Variants in SGCD observed in about 807,000 individuals in gnomAD.
SGCD encodes delta-sarcoglycan.
SGCD carries 18 observed loss-of-function variants against 36.6 expected under a neutral mutation model. The observed-to-expected ratio is 0.49, with a 90% confidence interval of 0.34 to 0.73. The LOEUF (loss-of-function observed/expected upper bound fraction) is 0.73, where lower values mean the gene tolerates loss of function less well. Ranked by LOEUF, SGCD falls within the 30% of genes least tolerant of loss-of-function variation. The pLI is 0.01. For missense variants in SGCD, 387 were observed against 346.7 expected (o/e 1.12, Z -0.92); for synonymous variants, 133 against 130.6 (o/e 1.02, Z -0.12).
At chr5:156,103,538 T>A (rs1761573349) in intron 1 of SGCD, among the ~76,000 whole-genome samples, 1 of 152,120 alleles carries the variant, frequency 6.6e-6, no homozygotes, top group Non-Finnish European at 1.5e-5. Context: ...TTTTTCTTTT[T>A]GAAAATGGCC....
At chr5:155,999,032 C>A (rs934579737) in intron 1 of SGCD, among the ~76,000 whole-genome samples, 1 of 152,254 alleles carries the variant, frequency 6.6e-6, no homozygotes, top group African/African-American at 2.4e-5. Flanking sequence ...TTTATGATAC[C>A]TGCACCTGCA....
intron 3 of SGCD, among the ~76,000 whole-genome samples, chr5:156,304,504 G>A (rs540129587): frequency 9.2e-5 from 14 of 152,278 alleles, no homozygotes; most frequent in South Asian, 6.2e-4. Context: ...CCCCAGCCAC[G>A]TGGAACTGTA....
intron 1 of SGCD, among the ~76,000 whole-genome samples, chr5:156,024,735 A>C (rs1267226821): frequency 6.6e-6 from 1 of 152,146 alleles, no homozygotes; most frequent in Non-Finnish European, 1.5e-5. Flanking sequence ...AGATGGGCAG[A>C]TTGCCTGAGT....
At chr5:156,523,717 G>A (rs771648843) in intron 4 of SGCD, among the ~76,000 whole-genome samples, 1 of 151,846 alleles carries the variant, frequency 6.6e-6, no homozygotes, top group African/African-American at 2.4e-5. Flanking sequence ...GAGTTCAGGG[G>A]CAGTCTCACA....
rs148298193 is a variant in SGCD, at chr5:156,148,798, G to C, written c.-44+24779G>C. ...TGCAGGAGTGCACCTACAAGCAGGA[G>C]TGTTTCATTCAATCTATATCTAATC... On this transcript the variant is annotated intron_variant, in intron 3 of 9. Coordinates refer to the SGCD transcript ENST00000517913. Among the ~76,000 whole-genome samples, 13 of 152,314 alleles carry C rather than the reference G, an allele frequency of 8.5e-5. No individual in the cohort carries two copies. In the East Asian group the frequency reaches 2.5e-3, roughly 29 times the overall value.
At chr5:156,599,850 T>A (rs775204503) in intron 6 of SGCD, among the ~76,000 whole-genome samples, 4 of 152,216 alleles carry the variant, frequency 2.6e-5, no homozygotes, top group Non-Finnish European at 5.9e-5. Context: ...TGTAAGCTAG[T>A]GCTTTGGGTA....
At chr5:156,590,761 C>G (rs894317440) in intron 5 of SGCD, among the ~76,000 whole-genome samples, 1 of 150,706 alleles carries the variant, frequency 6.6e-6, no homozygotes, top group African/African-American at 2.4e-5. Flanking sequence ...CCCACTCTTC[C>G]TCTCCCTTCT....
intron 6 of SGCD, among the ~76,000 whole-genome samples, chr5:156,618,767 C>T (rs1421796693): frequency 6.6e-6 from 1 of 152,048 alleles, no homozygotes; most frequent in Non-Finnish European, 1.5e-5. Context: ...TTGTTGGGCC[C>T]CACACAGTTT....
At chr5:156,375,339 C>G (rs1293338188) in intron 3 of SGCD, among the ~76,000 whole-genome samples, 1 of 150,746 alleles carries the variant, frequency 6.6e-6, no homozygotes, top group Non-Finnish European at 1.5e-5. Context: ...ATTCTATTAT[C>G]TGATCCACAG....
chr5:156,710,959 T>C (rs1754963595), intron 7 of SGCD, among the ~76,000 whole-genome samples: 1 of 152,244 alleles, frequency 6.6e-6, no homozygotes. Context: ...AATACTTTTC[T>C]TTCTTTCAGG....
At chr5:156,046,329 T>C (rs1759764548) in intron 1 of SGCD, among the ~76,000 whole-genome samples, 1 of 152,064 alleles carries the variant, frequency 6.6e-6, no homozygotes, top group Non-Finnish European at 1.5e-5. Context: ...TGTTTTGCTT[T>C]TTTTCATCTA....
At chr5:156,288,058 A>G (rs1385427953) in intron 3 of SGCD, among the ~76,000 whole-genome samples, 1 of 152,206 alleles carries the variant, frequency 6.6e-6, no homozygotes, top group East Asian at 1.9e-4. Flanking sequence ...ACCTAAAAAC[A>G]TAAAAGCTGT....
At chr5:155,914,503 G>A (rs773186853) in intron 1 of SGCD, among the ~76,000 whole-genome samples, 1 of 152,112 alleles carries the variant, frequency 6.6e-6, no homozygotes, top group Non-Finnish European at 1.5e-5. Flanking sequence ...ATTTAATTCA[G>A]CATTCCATAT....
intron 3 of SGCD, among the ~76,000 whole-genome samples, chr5:156,432,248 T>C (rs1753054038): frequency 6.6e-6 from 1 of 152,222 alleles, no homozygotes. Flanking sequence ...ATGCTAGTTA[T>C]GCTAGTAGTG....
At chr5:155,968,646 G>T (rs957835351) in intron 1 of SGCD, among the ~76,000 whole-genome samples, 1 of 152,102 alleles carries the variant, frequency 6.6e-6, no homozygotes, top group Non-Finnish European at 1.5e-5. Flanking sequence ...ATAGAGTTCA[G>T]TACCGTCTAT....
At chr5:156,672,944 C>T (rs1434906271) in intron 7 of SGCD, among the ~76,000 whole-genome samples, 1 of 152,150 alleles carries the variant, frequency 6.6e-6, no homozygotes, top group Non-Finnish European at 1.5e-5. Context: ...GCTTTAATGT[C>T]TTTTCCTAAC....
intron 3 of SGCD, among the ~76,000 whole-genome samples, chr5:156,273,649 G>T (rs758489929): frequency 2.0e-5 from 3 of 152,162 alleles, no homozygotes; most frequent in Non-Finnish European, 4.4e-5. Flanking sequence ...TACCACAGAA[G>T]AAGTGAAGCC....
intron 3 of SGCD, among the ~76,000 whole-genome samples, chr5:156,196,871 G>C (rs891574661): frequency 2.0e-5 from 3 of 151,980 alleles, no homozygotes; most frequent in Non-Finnish European, 4.4e-5. Context: ...TGTACTTAAC[G>C]CATCCATACA....
intron 4 of SGCD, among the ~76,000 whole-genome samples, chr5:156,543,341 G>A (rs567693811): frequency 6.6e-6 from 1 of 152,168 alleles, no homozygotes; most frequent in African/African-American, 2.4e-5. Context: ...CAAGGAATCT[G>A]TTTGTTCATC....
Sources: allele counts gnomAD v4.1 joint callset (sites outside exome capture counted in the v4.1 genomes callset), GRCh38; gene constraint gnomAD v4.1.1; transcripts MANE v1.5; gene names NCBI Gene and HGNC (gene_info 2026-07-23, HGNC 2026-07-21).